Variants in RABGAP1 observed in about 807,000 individuals in gnomAD.
RABGAP1 encodes the protein rab GTPase-activating protein 1.
In RABGAP1, 23 loss-of-function variants were observed where a neutral mutation model predicts 137.6. The ratio of observed to expected loss-of-function variants is 0.17; its 90% CI spans 0.12 to 0.24. RABGAP1 has a LOEUF of 0.24. RABGAP1 is among the 10% of genes least tolerant of loss of function. The pLI is 1.00. For synonymous variants in RABGAP1, 451 were observed against 450.7 expected (o/e 1.00, Z -0.01); for missense variants, 906 against 1,275.8 (o/e 0.71, Z 4.42).
At chr9:123,009,835 A>T (rs77818997) in intron 10 of RABGAP1, among the ~76,000 whole-genome samples, 247 of 152,292 alleles carry the variant, frequency 1.6e-3, no homozygotes, top group African/African-American at 5.2e-3. Flanking sequence ...TTGAAGAAAA[A>T]GTTCTCTACA....
chr9:122,996,227 A>G lies in RABGAP1; in HGVS notation c.1034+76A>G, dbSNP rs1837015182. The G allele has an allele frequency of 8.7e-6, 13 of 1,491,258 alleles. No individual in the cohort carries two copies. The East Asian group carries it at 2.9e-4, about 33-fold the overall frequency. The allele number at this position is 1,491,258 out of a possible 1,614,324, so 92.4% of individuals were successfully genotyped here. The stretch of plus-strand genomic sequence containing the variant: ...ATCTAATGGCATAGTTTTACACTGT[A>G]TTAAAAAATGTATTTCCAAAGAATT... On this transcript the variant is annotated intron_variant, in intron 7 of 25. Coordinates refer to ENST00000373647, the MANE Select transcript of RABGAP1 (RefSeq NM_012197.4).
At chr9:123,083,541 A>C (rs1323024163) in intron 19 of RABGAP1, among the ~76,000 whole-genome samples, 1 of 152,178 alleles carries the variant, frequency 6.6e-6, no homozygotes, top group Non-Finnish European at 1.5e-5. Flanking sequence ...CTCTGCTACT[A>C]ATTTGCTTCT....
chr9:122,988,942 C>CAA (rs56914411), intron 4 of RABGAP1, among the ~76,000 whole-genome samples: 4 of 57,030 alleles, frequency 7.0e-5, no homozygotes, highest in South Asian at 5.3e-4. Context: ...AAACTTGTCT[C>CAA]AAAAAAAAAA....
At chr9:123,078,742 C>T (rs1360359217) in intron 19 of RABGAP1, among the ~76,000 whole-genome samples, 8 of 152,152 alleles carry the variant, frequency 5.3e-5, no homozygotes, top group African/African-American at 1.9e-4. Flanking sequence ...AAAAACCTTG[C>T]TGTCCTCTTG....
chr9:123,035,726 C>T, intron 13 of RABGAP1: 1 of 708,156 alleles, frequency 1.4e-6, no homozygotes, highest in Non-Finnish European at 2.3e-6. Context: ...AAATCTGGGA[C>T]AGAATACTTT....
intron 7 of RABGAP1, 75 bp downstream of exon 7, chr9:122,996,226 T>TA (rs1837015316): frequency 6.7e-7 from 1 of 1,489,592 alleles, no homozygotes; most frequent in Non-Finnish European, 8.9e-7. Context: ...TTTTACACTG[T>TA]ATTAAAAAAT....
chr9:123,015,480 C>T, intron 11 of RABGAP1, 63 bp from the exon 12 acceptor site: 1 of 1,018,446 alleles, frequency 9.8e-7, no homozygotes, highest in South Asian at 1.5e-5. Context: ...CTTAACATTC[C>T]AGTGTTCTTC....
chr9:122,997,007 A>G (rs563932087), intron 8 of RABGAP1: 6 of 590,402 alleles, frequency 1.0e-5, no homozygotes, highest in Admixed American at 5.0e-5. Context: ...GAAGAATTCA[A>G]CATTGGATTT....
At chr9:123,076,599 A>G (rs1588383406) in intron 18 of RABGAP1, 35 bp from the exon 19 acceptor site, 1 of 1,564,576 alleles carries the variant, frequency 6.4e-7, no homozygotes, top group Non-Finnish European at 8.6e-7. Context: ...TTATAGCAAC[A>G]CATTTTTTCT....
intron 19 of RABGAP1, among the ~76,000 whole-genome samples, chr9:123,088,559 G>C (rs1017687890): frequency 6.6e-6 from 1 of 152,130 alleles, no homozygotes; most frequent in South Asian, 2.1e-4. Flanking sequence ...GTGGTGTCGT[G>C]TGCCTGTAGT....
intron 11 of RABGAP1, among the ~76,000 whole-genome samples, chr9:123,013,223 T>C (rs755268516): frequency 6.6e-6 from 1 of 152,224 alleles, no homozygotes; most frequent in Non-Finnish European, 1.5e-5. Flanking sequence ...CAAAGAGTTG[T>C]ATTTGGTATA....
chr9:122,932,301 G>A, the RABGAP1 span, among the ~76,000 whole-genome samples: 1 of 152,076 alleles, frequency 6.6e-6, no homozygotes, highest in African/African-American at 2.4e-5. Context: ...AAAACTTGAT[G>A]GTCTTGAACT....
chr9:122,943,295 C>G (rs1564346042), intron 1 of RABGAP1, among the ~76,000 whole-genome samples: 2 of 152,010 alleles, frequency 1.3e-5, no homozygotes, highest in Non-Finnish European at 2.9e-5. Context: ...TCTTGAACTC[C>G]TGACCTCAGG....
intron 15 of RABGAP1, chr9:123,071,522 CA>C (rs1200855190): frequency 6.6e-6 from 1 of 152,210 alleles, no homozygotes; most frequent in African/African-American, 2.4e-5. Flanking sequence ...GACATGGTCT[CA>C]ATCCTCCTGG....
intron 1 of RABGAP1, among the ~76,000 whole-genome samples, chr9:122,942,443 G>T (rs899125118): frequency 6.6e-6 from 1 of 152,034 alleles, no homozygotes; most frequent in Non-Finnish European, 1.5e-5. Context: ...AGGTTGAGGC[G>T]GGTGGATCAC....
chr9:123,050,419 C>A (rs2033403543), intron 13 of RABGAP1, among the ~76,000 whole-genome samples: 1 of 152,220 alleles, frequency 6.6e-6, no homozygotes, highest in African/African-American at 2.4e-5. Flanking sequence ...CCAACTTCCA[C>A]TAAAATCCCT....
At chr9:123,033,808 A>G (rs1283911609) in intron 13 of RABGAP1, 5 of 152,266 alleles carry the variant, frequency 3.3e-5, no homozygotes, top group Non-Finnish European at 1.5e-5. Flanking sequence ...GCAAAATATT[A>G]TATTGGAATC....
the RABGAP1 span, among the ~76,000 whole-genome samples, chr9:122,933,643 C>G: frequency 2.0e-5 from 3 of 151,612 alleles, no homozygotes; most frequent in African/African-American, 7.3e-5. Context: ...TTATTATTTT[C>G]TGTGACAGAG....
intron 22 of RABGAP1, 130 bp downstream of exon 22, chr9:123,097,975 T>C (rs945837328): frequency 2.7e-5 from 19 of 700,294 alleles, no homozygotes; most frequent in Middle Eastern, 3.6e-4. Flanking sequence ...GACTTTTTTT[T>C]TCCCCCTACT....
Sources: gnomAD v4.1 joint callset for allele counts (sites outside exome capture counted in the v4.1 genomes callset) on GRCh38, gnomAD v4.1.1 for gene constraint, MANE v1.5 for transcripts, NCBI Gene and HGNC (gene_info 2026-07-23, HGNC 2026-07-21) for gene names.